MAX: variants seen among roughly 807,000 people sequenced by gnomAD.
MAX encodes the protein protein max.
Under a neutral mutation model 22.3 loss-of-function variants are expected in MAX, and 3 were observed. That is an observed-to-expected ratio of 0.13 (90% CI 0.06 to 0.35). The LOEUF (loss-of-function observed/expected upper bound fraction) is 0.35. MAX is among the 10% of genes least tolerant of loss of function. The pLI is 1.00. For missense variants in MAX, 119 were observed against 209.4 expected (o/e 0.57, Z 2.66); for synonymous variants, 72 against 77.7 (o/e 0.93, Z 0.39).
At chr14:65,089,028 T>C (rs1226527091) in intron 3 of MAX, among the ~76,000 whole-genome samples, 4 of 152,182 alleles carry the variant, frequency 2.6e-5, no homozygotes, top group Non-Finnish European at 5.9e-5. Flanking sequence ...TGTTATCTCA[T>C]TATTGTTAAT....
intron 3 of MAX, chr14:65,053,477 G>A (rs1308142339): frequency 2.5e-6 from 2 of 815,332 alleles, no homozygotes; most frequent in South Asian, 6.3e-5. Context: ...ATAGCGCTAG[G>A]TTGTATGGGA....
intron 2 of MAX, among the ~76,000 whole-genome samples, chr14:65,097,640 T>C (rs1225379553): frequency 6.6e-6 from 1 of 152,250 alleles, no homozygotes; most frequent in African/African-American, 2.4e-5. Flanking sequence ...GTGTTGCTTA[T>C]GATTCTTATC....
At position 65,031,899 on chromosome 14, in the gene MAX, C is replaced by T. The variant is rs769667233; in HGVS notation, c.172-25615G>A. Reference sequence around the variant, plus strand: ...TCATACCACTGCACTCTAGCCTGGGCGACAGAGTGAGACCCTGTCTCAATA... The same window carrying T: ...TCATACCACTGCACTCTAGCCTGGGTGACAGAGTGAGACCCTGTCTCAATA... On this transcript the variant is annotated intron_variant, in intron 3 of 3. Coordinates refer to the MAX transcript ENST00000341653. The surrounding 1 kb of genome is among the most constrained non-coding windows in gnomAD (Gnocchi z 4.6). Among the ~76,000 whole-genome samples the T allele has an allele frequency of 1.8e-4, 27 of 151,842 alleles. No individual in the cohort carries two copies. The highest frequency in any genetic ancestry group is 2.1e-4 in the Non-Finnish European group (14 of 67,942).
At chr14:65,060,978 G>A (rs1439836615) in intron 3 of MAX, among the ~76,000 whole-genome samples, 7 of 150,882 alleles carry the variant, frequency 4.6e-5, no homozygotes, top group Admixed American at 1.3e-4. Flanking sequence ...ATTTAAATGC[G>A]TGTTTATAAT....
chr14:65,089,822 T>C (rs2063451488), intron 3 of MAX: 1 of 134,888 alleles, frequency 7.4e-6, no homozygotes, highest in Non-Finnish European at 1.5e-5. Flanking sequence ...GGGGCCACAG[T>C]TGATCTTGCC....
chr14:65,099,412 T>G (rs1439027953), intron 2 of MAX, among the ~76,000 whole-genome samples: 1 of 152,016 alleles, frequency 6.6e-6, no homozygotes, highest in African/African-American at 2.4e-5. Context: ...ACAATGAGAT[T>G]AGCATTCCAG....
At chr14:65,081,352 G>T (rs1471002941) in intron 3 of MAX, among the ~76,000 whole-genome samples, 2 of 152,160 alleles carry the variant, frequency 1.3e-5, no homozygotes, top group Non-Finnish European at 2.9e-5. Context: ...GAAAGAAAAA[G>T]CAAAAGGCTG....
At chr14:65,018,843 G>A (rs1430507426) in intron 3 of MAX, among the ~76,000 whole-genome samples, 1 of 149,308 alleles carries the variant, frequency 6.7e-6, no homozygotes, top group Non-Finnish European at 1.5e-5. Flanking sequence ...AGGCGCGGTG[G>A]CTCACACCTG....
At chr14:65,065,194 T>C (rs2062919086) in intron 3 of MAX, among the ~76,000 whole-genome samples, 1 of 152,186 alleles carries the variant, frequency 6.6e-6, no homozygotes, top group South Asian at 2.1e-4. Flanking sequence ...CTGGGCCTCC[T>C]ATAACCATTT....
At chr14:65,101,991 G>A (rs2063858712) in intron 1 of MAX, among the ~76,000 whole-genome samples, 1 of 152,170 alleles carries the variant, frequency 6.6e-6, no homozygotes, top group South Asian at 2.1e-4. Flanking sequence ...GATCCCGGGC[G>A]CCCCCCATCC....
chr14:65,077,653 A>C lies in MAX; in HGVS notation c.295+260T>G, dbSNP rs150029847. ...ACTGCAGGCAGAGCACCTGAGCCCC[A>C]AGAAGGGGAGAGGTCAGGCCAGAAA... On this transcript the variant is annotated intron_variant, in intron 4 of 4. Transcript: ENST00000358664. The surrounding 1 kb of genome is among the most constrained non-coding windows in gnomAD (Gnocchi z 6.3). The C allele has an allele frequency of 2.6e-4, 364 of 1,421,206 alleles. 1 individual carries two copies. In the East Asian group the frequency reaches 5.3e-3, roughly 21 times the overall value. 88.0% of individuals were successfully genotyped at this position (1,421,206 alleles called of 1,614,324 possible).
At chr14:65,038,474 C>T (rs1224648500) in intron 3 of MAX, among the ~76,000 whole-genome samples, 4 of 152,010 alleles carry the variant, frequency 2.6e-5, no homozygotes, top group Non-Finnish European at 4.4e-5. Context: ...AATCCCAGCA[C>T]TTTGGGAGGC....
rs747333746 is a variant in MAX at position 65,101,596 on chromosome 14, A to C, written c.37-24T>G. The C allele has an allele frequency of 2.8e-5, 44 of 1,559,096 alleles. No homozygotes were observed. The African/African-American group carries it at 5.5e-4, about 19-fold the overall frequency. ...TCCTGGAATAAGAGAGAAAAAAAAA[A>C]ATAGAAAATATAGAAGTTATTTTTA... On this transcript the variant is annotated intron_variant, in intron 1 of 4. Coordinates refer to ENST00000358664, the MANE Select transcript of MAX (RefSeq NM_002382.5).
At chr14:65,050,711 G>A (rs72728268) in intron 3 of MAX, among the ~76,000 whole-genome samples, 15,060 of 152,186 alleles carry the variant, frequency 0.099, 988 homozygotes, top group Admixed American at 0.17. Context: ...ATTTTTGACA[G>A]CTCCTGCAGA....
chr14:65,086,805 T>C (rs2063345954), intron 3 of MAX, among the ~76,000 whole-genome samples: 1 of 152,196 alleles, frequency 6.6e-6, no homozygotes, highest in Non-Finnish European at 1.5e-5. Context: ...GCATAAGTAA[T>C]GAGAAGCCGA....
intron 2 of MAX, chr14:65,094,174 G>C (rs995548852): frequency 6.0e-6 from 2 of 333,776 alleles, no homozygotes; most frequent in African/African-American, 2.1e-5. Context: ...GAAGTGACTA[G>C]AGAAAGCTCC....
At chr14:65,101,685 A>G (rs2139967601) in intron 1 of MAX, 113 bp from the exon 2 acceptor site, 2 of 785,898 alleles carry the variant, frequency 2.5e-6, no homozygotes, top group Admixed American at 4.4e-5. Flanking sequence ...GTGGGGAGTC[A>G]GCCCGACACC....
intron 3 of MAX, chr14:65,040,701 G>A (rs2062332615): frequency 1.5e-6 from 2 of 1,366,908 alleles, no homozygotes; most frequent in Admixed American, 2.3e-5. Context: ...TAATCTGAGT[G>A]AACTTTTTCT....
At chr14:65,059,324 C>A (rs1170251063) in intron 3 of MAX, among the ~76,000 whole-genome samples, 2 of 151,616 alleles carry the variant, frequency 1.3e-5, no homozygotes, top group African/African-American at 4.8e-5. Context: ...CTGGCCCCCG[C>A]ACTAGCCCCT....
Sources: allele counts gnomAD v4.1 joint callset (sites outside exome capture counted in the v4.1 genomes callset), GRCh38; gene constraint gnomAD v4.1.1; non-coding constraint Gnocchi (gnomAD v3.1); transcripts MANE v1.5; gene names NCBI Gene and HGNC (gene_info 2026-07-23, HGNC 2026-07-21).